The following SETD5 variants were observed in gnomAD, a reference collection of about 807,000 sequenced individuals.
SETD5 encodes the protein SET domain containing 5, also known as histone-lysine N-methyltransferase SETD5.
In SETD5, 44 loss-of-function variants were observed where a neutral mutation model predicts 153.3. The ratio of observed to expected loss-of-function variants is 0.29; its 90% CI spans 0.23 to 0.37. The LOEUF is 0.37. Ranked by LOEUF, SETD5 falls within the 10% of genes least tolerant of loss-of-function variation. The probability of loss-of-function intolerance (pLI) is 1.00; values close to 1 mark genes in which losing one functional copy is unlikely to be tolerated. For missense variants in SETD5, 1,544 were observed against 1,768.0 expected (o/e 0.87, Z 2.27); for synonymous variants, 716 against 645.2 (o/e 1.11, Z -1.66).
intron 1 of SETD5, among the ~76,000 whole-genome samples, chr3:9,402,808 C>G (rs757946512): frequency 1.3e-5 from 2 of 152,118 alleles, no homozygotes; most frequent in African/African-American, 2.4e-5. Context: ...TTTGTGCTAC[C>G]TAATGGAGGG....
rs973765289 is a variant in SETD5, at chr3:9,422,367, T to C, written c.-176-2100T>C. Among the ~76,000 whole-genome samples the C allele has an allele frequency of 4.6e-5, 7 of 152,314 alleles. No homozygotes were observed. The East Asian group carries it at 1.3e-3, about 29-fold the overall frequency. ...ACTTTTATCTACTTTCAAAAATATCTATGAAATATACTTTCTGTCTCTGAA... is the reference window on the plus strand; with the variant it reads ...ACTTTTATCTACTTTCAAAAATATCCATGAAATATACTTTCTGTCTCTGAA... On this transcript the variant is annotated intron_variant, in intron 1 of 22. Transcript: ENST00000402198.
At chr3:9,421,765 G>A (rs1331872060) in intron 1 of SETD5, among the ~76,000 whole-genome samples, 2 of 152,028 alleles carry the variant, frequency 1.3e-5, no homozygotes, top group Admixed American at 6.6e-5. Context: ...CTCTTCCTGA[G>A]TTAAATTTAT....
intron 17 of SETD5, among the ~76,000 whole-genome samples, chr3:9,456,748 G>A (rs1322343622): frequency 6.6e-6 from 1 of 152,142 alleles, no homozygotes; most frequent in Non-Finnish European, 1.5e-5. Context: ...GCTGAGGCGG[G>A]CAGATCACGA....
At position 9,475,915 on chromosome 3, in the gene SETD5, G is replaced by A; in HGVS notation, c.4153G>A (p.Asp1385Asn). 6.2e-7 allele frequency: 1 copy of A among 1,614,002 alleles called. No individual in the cohort carries two copies. The highest frequency in any genetic ancestry group is 8.5e-7 in the Non-Finnish European group (1 of 1,179,900). The change falls in exon 23 of 23, where the codon GAC (aspartate) becomes AAC (asparagine). Residue 1385 changes from aspartate to asparagine, a missense_variant. By Grantham distance (23) the Asp-to-Asn change is conservative. Transcript: ENST00000402198. ...GAACTCTAGGTCGTCATTGCCATCA[G>A]ACTTACGGACTATCAGTCTGCCCAG... ...PQNSRSSLPS[D>N]LRTISLPSAG...
At chr3:9,453,008 G>T (rs1331872536) in intron 16 of SETD5, among the ~76,000 whole-genome samples, 1 of 151,962 alleles carries the variant, frequency 6.6e-6, no homozygotes, top group African/African-American at 2.4e-5. Flanking sequence ...AATCTTTGCA[G>T]GTTTACTATC....
Position 9,445,033 on chromosome 3 carries a change from G to C in SETD5, c.1188-15G>C. The C allele has an allele frequency of 6.2e-7, 1 of 1,608,950 alleles. No individual in the cohort carries two copies. Among genetic ancestry groups the C allele is most frequent in the East Asian group, 2.2e-5 (1 of 44,834 alleles). Reference sequence around the variant, plus strand: ...GGGTACTGAGACAGGCATTTTGGTTGTTTCTTTGGAGCAGTAATTATAAAG... The same window carrying C: ...GGGTACTGAGACAGGCATTTTGGTTCTTTCTTTGGAGCAGTAATTATAAAG... On this transcript the variant is annotated splice_polypyrimidine_tract_variant and intron_variant, in intron 11 of 22. Transcript: ENST00000402198.
At chr3:9,437,586 AATT>A (rs1261256898) in intron 7 of SETD5, among the ~76,000 whole-genome samples, 1 of 149,354 alleles carries the variant, frequency 6.7e-6, no homozygotes, top group African/African-American at 2.6e-5. Flanking sequence ...ATGCCTCTCA[AATT>A]ATTACTGGGG....
rs1296122252 is a variant in SETD5, at chr3:9,434,679, GA to G, written c.330-143del. ...ATGAGAGATTGATGTTAAAGCTATT[GA>G]ATTTGATATGAAATTTAATGTCCTG... is the stretch of plus-strand genomic sequence containing the variant. On this transcript the variant is annotated intron_variant, in intron 5 of 22. Coordinates refer to ENST00000402198, the MANE Select transcript of SETD5 (RefSeq NM_001080517.3). The surrounding 1 kb of genome is among the most constrained non-coding windows in gnomAD (Gnocchi z 5.6). 2.2e-5 allele frequency: 32 copies of G among 1,460,888 alleles called. No homozygotes were observed. In the African/African-American group the frequency reaches 4.6e-4, roughly 21 times the overall value. 90.5% of individuals were successfully genotyped at this position (1,460,888 alleles called of 1,614,324 possible).
chr3:9,469,294 A>G (rs1366327565), intron 18 of SETD5, among the ~76,000 whole-genome samples: 1 of 152,180 alleles, frequency 6.6e-6, no homozygotes, highest in Non-Finnish European at 1.5e-5. Flanking sequence ...TCAAACTCAG[A>G]TTTTAGTGCT....
chr3:9,435,742 G>A lies in SETD5; in HGVS notation c.403G>A (p.Ala135Thr). The change falls in exon 7 of 23, where the codon GCA (alanine) becomes ACA (threonine). Residue 135 changes from alanine to threonine, a missense_variant. Physicochemically the swap from Ala to Thr is moderately conservative, Grantham distance 58. This residue lies in a region of SETD5 where 251 missense variants were observed against 326.9 expected (regional missense o/e 0.77). Transcript: ENST00000402198. Reference protein sequence around the residue: ...QDNISGGDSSATESWDEELSP... With the variant: ...QDNISGGDSSTTESWDEELSP... ...TCATTTTTCAGGTGGGGATAGCAGT[G>A]CAACAGAAAGCTGGGATGAGGAGCT... 2.5e-6 allele frequency: 4 copies of A among 1,597,146 alleles called. No homozygotes were observed. The South Asian group carries it at 4.6e-5, about 18-fold the overall frequency.
At position 9,447,211 on chromosome 3, in the gene SETD5, C is replaced by T. The variant is rs2042122173; in HGVS notation, c.1686C>T (p.Ala562=). ...TTGGTGAAGAGACAAAAACTGAAGC[C>T]CCTGAATCTGAAGTTAGCAACTCTG... is the stretch of plus-strand genomic sequence containing the variant. The part of the protein sequence containing the change: ...TPVGEETKTE[A]PESEVSNSVS... The change falls in exon 14 of 23, where the codon GCC becomes GCT. Residue 562 remains alanine, a synonymous_variant. Coordinates refer to ENST00000402198, the MANE Select transcript of SETD5 (RefSeq NM_001080517.3). 2.5e-6 allele frequency: 4 copies of T among 1,613,876 alleles called. No homozygotes were observed. The highest frequency in any genetic ancestry group is 3.4e-6 in the Non-Finnish European group (4 of 1,179,892).
chr3:9,433,227 A>G (rs1240122726), intron 3 of SETD5: 3 of 424,814 alleles, frequency 7.1e-6, no homozygotes, highest in East Asian at 1.5e-4. Flanking sequence ...TGCAGCTGAT[A>G]AATAATTTTG....
chr3:9,447,411 A>G, intron 14 of SETD5, 104 bp downstream of exon 14: 1 of 1,445,176 alleles, frequency 6.9e-7, no homozygotes, highest in Non-Finnish European at 9.3e-7. Context: ...TTTGCTCCAT[A>G]TCACAATAAA....
chr3:9,444,798 G>A (rs1460315023), intron 11 of SETD5, among the ~76,000 whole-genome samples: 1 of 151,998 alleles, frequency 6.6e-6, no homozygotes, highest in Non-Finnish European at 1.5e-5. Flanking sequence ...GATCACTTGA[G>A]CCCAGGAAAC....
chr3:9,419,644 A>G (rs892477816), intron 1 of SETD5, among the ~76,000 whole-genome samples: 4 of 152,236 alleles, frequency 2.6e-5, no homozygotes, highest in South Asian at 2.1e-4. Flanking sequence ...CAAGCTATAT[A>G]TTAACATCTT....
At chr3:9,415,778 G>A (rs1395368390) in intron 1 of SETD5, among the ~76,000 whole-genome samples, 1 of 151,606 alleles carries the variant, frequency 6.6e-6, no homozygotes, top group Non-Finnish European at 1.5e-5. Flanking sequence ...GCCCAGGGTG[G>A]CCTCAAAACT....
intron 1 of SETD5, among the ~76,000 whole-genome samples, chr3:9,418,562 A>G (rs2037892939): frequency 6.6e-6 from 1 of 152,046 alleles, no homozygotes; most frequent in Non-Finnish European, 1.5e-5. Flanking sequence ...AGTGAATCAC[A>G]TAGGCTGAAG....
intron 19 of SETD5, among the ~76,000 whole-genome samples, chr3:9,472,699 CCTCT>C (rs1038256421): frequency 6.6e-6 from 1 of 151,220 alleles, no homozygotes; most frequent in African/African-American, 2.4e-5. Context: ...TCTCTCTCTC[CCTCT>C]CTCTCTCCAC....
At chr3:9,464,364 A>G in intron 17 of SETD5, 61 bp from the exon 18 acceptor site, 1 of 1,560,518 alleles carries the variant, frequency 6.4e-7, no homozygotes, top group Non-Finnish European at 8.7e-7. Flanking sequence ...TAATGGCTTT[A>G]CTGTAGAGCC....
Sources: gnomAD v4.1 joint callset for allele counts (sites outside exome capture counted in the v4.1 genomes callset) on GRCh38, gnomAD v4.1.1 for gene constraint, gnomAD v4.1.1 regional missense constraint, Gnocchi (gnomAD v3.1) non-coding constraint, MANE v1.5 for transcripts, NCBI Gene and HGNC (gene_info 2026-07-23, HGNC 2026-07-21) for gene names.